RGPD2: variants seen among roughly 807,000 people sequenced by gnomAD.
The protein encoded by RGPD2 is RANBP2 like and GRIP domain containing 2, also known as RANBP2-like and GRIP domain-containing protein 2.
A neutral mutation model predicts 36.0 loss-of-function variants in RGPD2; 2 were observed. The ratio of observed to expected loss-of-function variants is 0.06; its 90% CI spans 0.02 to 0.17. RGPD2 has a LOEUF of 0.17. Ranked by LOEUF, RGPD2 falls within the 10% of genes least tolerant of loss-of-function variation. RGPD2 has a pLI of 1.00. For missense variants in RGPD2, 40 were observed against 464.3 expected, an observed-to-expected ratio of 0.09 and a Z score of 8.40; for synonymous variants, 19 against 163.8, an observed-to-expected ratio of 0.12 and a Z score of 6.75.
the RGPD2 span, among the ~76,000 whole-genome samples, chr2:87,876,160 C>G: frequency 1.3e-5 from 2 of 150,854 alleles, no homozygotes. Context: ...CTTAAAAAAA[C>G]AGCTTCTGGA....
At chr2:87,861,692 C>T in the RGPD2 span, among the ~76,000 whole-genome samples, 1 of 151,260 alleles carries the variant, frequency 6.6e-6, no homozygotes, top group South Asian at 2.1e-4. Flanking sequence ...TTGTCATTTT[C>T]ATAGAATTGA....
the RGPD2 span, among the ~76,000 whole-genome samples, chr2:87,913,761 A>AT: frequency 6.6e-6 from 1 of 151,952 alleles, no homozygotes; most frequent in South Asian, 2.1e-4. Context: ...TTGAGAAAGC[A>AT]TTTTTTAACA....
intron 22 of RGPD2, among the ~76,000 whole-genome samples, chr2:87,769,526 C>T (rs1431037540): frequency 6.7e-6 from 1 of 149,294 alleles, no homozygotes; most frequent in Non-Finnish European, 1.5e-5. Context: ...TCTTGGTATC[C>T]CTTAGGTTAG....
chr2:87,966,208 G>T, the RGPD2 span, among the ~76,000 whole-genome samples: 1 of 152,202 alleles, frequency 6.6e-6, no homozygotes, highest in African/African-American at 2.4e-5. Context: ...CTAATGCCTG[G>T]TCTCCAGAGC....
chr2:87,948,129 T>A, the RGPD2 span, among the ~76,000 whole-genome samples: 3 of 152,272 alleles, frequency 2.0e-5, no homozygotes, highest in African/African-American at 7.2e-5. Context: ...TTAAAGGTAA[T>A]GGATTAATAG....
chr2:87,881,269 G>A, the RGPD2 span, among the ~76,000 whole-genome samples: 1 of 151,952 alleles, frequency 6.6e-6, no homozygotes, highest in African/African-American at 2.4e-5. Flanking sequence ...ACCACTCTGG[G>A]GGCCTGGAGG....
At chr2:87,975,152 G>A in the RGPD2 span, among the ~76,000 whole-genome samples, 1 of 151,768 alleles carries the variant, frequency 6.6e-6, no homozygotes, top group Non-Finnish European at 1.5e-5. Flanking sequence ...TTATATGGAT[G>A]CTCTTTCCTC....
the RGPD2 span, among the ~76,000 whole-genome samples, chr2:87,905,577 A>G: frequency 6.6e-6 from 1 of 151,762 alleles, no homozygotes. Flanking sequence ...TAGTAAATTT[A>G]CAGAGCTGTA....
intron 4 of RGPD2, among the ~76,000 whole-genome samples, chr2:87,813,975 T>C (rs1052635975): frequency 4.9e-4 from 74 of 152,102 alleles, no homozygotes; most frequent in African/African-American, 1.7e-3. Context: ...AGTATCTAAC[T>C]TGTTACACTG....
the RGPD2 span, among the ~76,000 whole-genome samples, chr2:87,884,402 A>G: frequency 6.6e-6 from 1 of 152,064 alleles, no homozygotes; most frequent in African/African-American, 2.4e-5. Context: ...GTAAAAGAAG[A>G]ACAGACTAGT....
chr2:87,988,627 G>A, the RGPD2 span, among the ~76,000 whole-genome samples: 3 of 148,238 alleles, frequency 2.0e-5, no homozygotes, highest in East Asian at 2.0e-4. Context: ...TGCAACCTCC[G>A]CATTCTGGGT....
At chr2:87,886,332 C>T in the RGPD2 span, among the ~76,000 whole-genome samples, 91 of 151,776 alleles carry the variant, frequency 6.0e-4, no homozygotes, top group African/African-American at 2.1e-3. Flanking sequence ...ATAATCCTGC[C>T]CCTTTATCTT....
chr2:87,985,815 G>A, the RGPD2 span: 20 of 1,611,250 alleles, frequency 1.2e-5, no homozygotes, highest in Non-Finnish European at 1.6e-5. Context: ...GTGATAACTG[G>A]GTCCTACTGG....
the RGPD2 span, among the ~76,000 whole-genome samples, chr2:87,986,272 T>C: frequency 5.0e-3 from 756 of 150,960 alleles, 6 homozygotes; most frequent in African/African-American, 0.017. Context: ...GTAGCCGGGA[T>C]TACAGGCGTC....
the RGPD2 span, among the ~76,000 whole-genome samples, chr2:87,837,085 T>C: frequency 2.0e-5 from 3 of 151,834 alleles, no homozygotes; most frequent in Non-Finnish European, 4.4e-5. Flanking sequence ...TCAAACAAGT[T>C]CTTAGAGACA....
chr2:87,920,025 AT>A, the RGPD2 span, among the ~76,000 whole-genome samples: 98 of 151,994 alleles, frequency 6.4e-4, no homozygotes, highest in African/African-American at 2.4e-3. Context: ...AATGAATGGT[AT>A]TTTCACAAAG....
At chr2:87,847,144 A>T in the RGPD2 span, among the ~76,000 whole-genome samples, 1 of 152,264 alleles carries the variant, frequency 6.6e-6, no homozygotes, top group East Asian at 1.9e-4. Flanking sequence ...ATTACCATTG[A>T]TTTTACTTGA....
At chr2:87,909,401 AAAGCCC>A in the RGPD2 span, among the ~76,000 whole-genome samples, 1 of 84,742 alleles carries the variant, frequency 1.2e-5, no homozygotes, top group Non-Finnish European at 2.3e-5. Flanking sequence ...CACTCAAATT[AAAGCCC>A]AATGCAGCTG....
chr2:87,883,346 T>G, the RGPD2 span, among the ~76,000 whole-genome samples: 2 of 150,978 alleles, frequency 1.3e-5, no homozygotes. Flanking sequence ...ATCCAAACAA[T>G]GCAGTACAGA....
Sources: allele counts gnomAD v4.1 joint callset (sites outside exome capture counted in the v4.1 genomes callset), GRCh38; gene constraint gnomAD v4.1.1; transcripts MANE v1.5; gene names NCBI Gene and HGNC (gene_info 2026-07-23, HGNC 2026-07-21).